The following NOP16 variants were observed in gnomAD, a reference collection of about 807,000 sequenced individuals.
The protein encoded by NOP16 is NOP16 nucleolar protein, also known as nucleolar protein 16.
NOP16 carries 14 observed loss-of-function variants against 22.7 expected under a neutral mutation model. That is an observed-to-expected ratio of 0.62 (90% CI 0.41 to 0.97). The LOEUF is 0.97. Ranked by LOEUF, NOP16 falls within the 50% of genes least tolerant of loss-of-function variation. The pLI is 0.00. For synonymous variants in NOP16, 80 were observed against 83.6 expected (o/e 0.96, Z 0.23); for missense variants, 198 against 235.9 (o/e 0.84, Z 1.05).
chr5:176,384,212 CA>C lies in NOP16; in HGVS notation c.*18del. 3.7e-6 allele frequency: 6 copies of C among 1,614,172 alleles called. No individual in the cohort carries two copies. Among genetic ancestry groups the C allele is most frequent in the Non-Finnish European group, 5.1e-6 (6 of 1,180,032 alleles). ...GTCCGGGGGACGCCTCAGCCTGGGG[CA>C]GCTGTGATGTAAACCAGTCACTCCA... On this transcript the variant is annotated 3_prime_UTR_variant, in exon 5 of 5. Coordinates refer to ENST00000614830, the MANE Select transcript of NOP16 (RefSeq NM_016391.8).
In NOP16 at chr5:176,384,015, C is replaced by A; in HGVS notation, c.*216G>T. Reference sequence around the variant, plus strand: ...CCACCCTGAAAACAGCAGGTTCTGGCTTTTCCGTGAACCCCCAGATGAATA... The same window carrying A: ...CCACCCTGAAAACAGCAGGTTCTGGATTTTCCGTGAACCCCCAGATGAATA... On this transcript the variant is annotated 3_prime_UTR_variant, in exon 5 of 5. Coordinates refer to ENST00000614830, the MANE Select transcript of NOP16 (RefSeq NM_016391.8). The A allele has an allele frequency of 6.5e-7, 1 of 1,538,174 alleles. No homozygotes were observed.
At chr5:176,388,141 G>A (rs1490157982) in intron 2 of NOP16, 94 bp downstream of exon 2, 3 of 929,404 alleles carry the variant, frequency 3.2e-6, no homozygotes, top group East Asian at 2.5e-5. Flanking sequence ...AGGGCCTGAG[G>A]GAAGGAATGG....
At position 176,386,828 on chromosome 5, in the gene NOP16, G is replaced by T; in HGVS notation, c.286+12C>A. On this transcript the variant is annotated intron_variant, in intron 3 of 4. Transcript: ENST00000614830. ...GGACAGTGACCTAAAGGAATATATGGACCACACCCACCATTCAGCACATAG... is the reference window on the plus strand; with the variant it reads ...GGACAGTGACCTAAAGGAATATATGTACCACACCCACCATTCAGCACATAG... The T allele has an allele frequency of 1.2e-6, 2 of 1,611,908 alleles. No homozygotes were observed. Among genetic ancestry groups the T allele is most frequent in the Non-Finnish European group, 1.7e-6 (2 of 1,178,072 alleles).
rs144937482 is a variant in NOP16, at chr5:176,388,584, T to C, written c.-45A>G. Reference sequence around the variant, plus strand: ...GCAGCTCAAACACGCTGCCTCTGTCTCTCAGACCTCGTGTAACAAACTCCT... The same window carrying C: ...GCAGCTCAAACACGCTGCCTCTGTCCCTCAGACCTCGTGTAACAAACTCCT... On this transcript the variant is annotated 5_prime_UTR_variant, in exon 1 of 5. Transcript: ENST00000614830. 2.1e-4 allele frequency: 331 copies of C among 1,541,930 alleles called. 1 individual carries two copies. In the African/African-American group the frequency reaches 4.1e-3, roughly 19 times the overall value.
At chr5:176,387,085 TTTTTC>T in intron 2 of NOP16, 176 bp from the exon 3 acceptor site, 17 of 582,122 alleles carry the variant, frequency 2.9e-5, no homozygotes, top group African/African-American at 3.7e-5. Flanking sequence ...TCTCTTTTTT[TTTTTC>T]TTTTTCTTTT....
intron 4 of NOP16, chr5:176,384,853 C>A: frequency 2.1e-6 from 1 of 482,404 alleles, no homozygotes; most frequent in South Asian, 3.5e-5. Flanking sequence ...CCATCATAGC[C>A]AGCTAATCCT....
rs1227086260 is a variant in NOP16, at chr5:176,388,277, C to T, written c.174G>A (p.Leu58=). Residue 58 remains leucine, a synonymous_variant, in exon 2 of 5, where the codon TTG becomes TTA. Transcript: ENST00000614830. ...GCACCGCCCTGTTGGGGTCCACAGC[C>T]AACCCCATCTCGGCCAGGTTCTGCC... ...SVRQNLAEMG[L]AVDPNRAVPL... is the part of the protein sequence containing the mutation. The T allele has an allele frequency of 6.2e-7, 1 of 1,614,016 alleles. No individual in the cohort carries two copies. Among genetic ancestry groups the T allele is most frequent in the African/African-American group, 1.3e-5 (1 of 74,928 alleles).
chr5:176,385,077 T>G, intron 4 of NOP16, 144 bp downstream of exon 4: 1 of 677,326 alleles, frequency 1.5e-6, no homozygotes, highest in South Asian at 1.6e-5. Flanking sequence ...GTTAGATCCC[T>G]GTCAATGGGA....
rs1453484295 is a variant in NOP16 at position 176,384,202 on chromosome 5, C to T, written c.*29G>A. 1.2e-6 allele frequency: 2 copies of T among 1,614,160 alleles called. No individual in the cohort carries two copies. Among genetic ancestry groups the T allele is most frequent in the Admixed American group, 1.7e-5 (1 of 60,030 alleles). On this transcript the variant is annotated 3_prime_UTR_variant, in exon 5 of 5. Transcript: ENST00000614830. ...AGCTTCACTGGTCCGGGGGACGCCT[C>T]AGCCTGGGGCAGCTGTGATGTAAAC... is the stretch of plus-strand genomic sequence containing the variant.
At position 176,385,014 on chromosome 5, in the gene NOP16, T is replaced by A. The variant is rs1240711488; in HGVS notation, c.393+207A>T. On this transcript the variant is annotated intron_variant, in intron 4 of 4. Coordinates refer to ENST00000614830, the MANE Select transcript of NOP16 (RefSeq NM_016391.8). ...TGCGAGCAAAACATTTATCTGTGAG[T>A]GAGACTGGAACCAAGGTCACTCAGT... 5 of 583,360 alleles carry A rather than the reference T, an allele frequency of 8.6e-6. No homozygotes were observed. The Admixed American group carries it at 8.9e-5, about 10-fold the overall frequency. 36.1% of individuals were successfully genotyped at this position (583,360 alleles called of 1,614,324 possible).
chr5:176,388,470 G>T lies in NOP16; in HGVS notation c.70C>A (p.Arg24=), dbSNP rs374285141. ...GYSVNRKRLN[R]NARRKAAPRI... is the part of the protein sequence containing the mutation. ...GGCGCTGCCTTCCGTCGAGCATTCC[G>T]GTTCAGACGCTTTCGGTTGACACTG... Residue 24 remains arginine, a synonymous_variant, in exon 1 of 5, where the codon CGG becomes AGG. Transcript: ENST00000614830. 1 of 1,614,198 alleles carries T rather than the reference G, an allele frequency of 6.2e-7. No homozygotes were observed. The highest frequency in any genetic ancestry group is 1.7e-5 in the Admixed American group (1 of 60,026).
chr5:176,385,464 C>G, intron 3 of NOP16, 137 bp from the exon 4 acceptor site: 1 of 623,832 alleles, frequency 1.6e-6, no homozygotes, highest in Non-Finnish European at 2.9e-6. Flanking sequence ...TTTGCCTCCC[C>G]ATTCCCAAAT....
intron 2 of NOP16, 25 bp from the exon 3 acceptor site, chr5:176,386,934 C>A: frequency 6.2e-7 from 1 of 1,605,742 alleles, no homozygotes; most frequent in South Asian, 1.1e-5. Context: ...GCCCTTGAGA[C>A]CAGAAGGATC....
chr5:176,386,508 T>C (rs1755854358), intron 3 of NOP16: 10 of 390,600 alleles, frequency 2.6e-5, no homozygotes, highest in South Asian at 1.7e-4. Flanking sequence ...ATTGAGATGG[T>C]GGAATCCCTA....
chr5:176,387,147 A>C (rs1343619611), intron 2 of NOP16, among the ~76,000 whole-genome samples: 1 of 151,554 alleles, frequency 6.6e-6, no homozygotes. Context: ...GCAGTGGCAC[A>C]ATCTTGGTTG....
chr5:176,386,477 G>A (rs540208656), intron 3 of NOP16: 176 of 357,342 alleles, frequency 4.9e-4, no homozygotes, highest in Middle Eastern at 3.0e-3. Flanking sequence ...ACATAAAATC[G>A]ATTTTGTCAT....
chr5:176,385,368 T>C (rs767250872), intron 3 of NOP16, 41 bp from the exon 4 acceptor site: 1 of 1,206,912 alleles, frequency 8.3e-7, no homozygotes, highest in South Asian at 1.2e-5. Context: ...GAATGAGGCT[T>C]TGCTTTCTGT....
chr5:176,384,760 A>C, intron 4 of NOP16: 1 of 354,338 alleles, frequency 2.8e-6, no homozygotes. Flanking sequence ...ACAGAGCGAG[A>C]TTCTGTCTCA....
At position 176,388,265 on chromosome 5, in the gene NOP16, G is replaced by T. The variant is rs1756053953; in HGVS notation, c.186C>A (p.Pro62=). Residue 62 remains proline, a synonymous_variant, in exon 2 of 5, where the codon CCC becomes CCA. Transcript: ENST00000614830. ...NLAEMGLAVD[P]NRAVPLRKRK... ...TCTTACGGAGGGGCACCGCCCTGTTGGGGTCCACAGCCAACCCCATCTCGG... is the reference window on the plus strand; with the variant it reads ...TCTTACGGAGGGGCACCGCCCTGTTTGGGTCCACAGCCAACCCCATCTCGG... 9.3e-6 allele frequency: 15 copies of T among 1,613,934 alleles called. No homozygotes were observed. Among genetic ancestry groups the T allele is most frequent in the Non-Finnish European group, 1.2e-5 (14 of 1,179,824 alleles).
Sources: gnomAD v4.1 joint callset for allele counts (sites outside exome capture counted in the v4.1 genomes callset) on GRCh38, gnomAD v4.1.1 for gene constraint, MANE v1.5 for transcripts, NCBI Gene and HGNC (gene_info 2026-07-23, HGNC 2026-07-21) for gene names.